The following GHRHR variants were observed in gnomAD, a reference collection of about 807,000 sequenced individuals.
GHRHR encodes the protein growth hormone releasing hormone receptor, also known as growth hormone-releasing hormone receptor.
Under a neutral mutation model 58.3 loss-of-function variants are expected in GHRHR, and 40 were observed. The observed-to-expected ratio is 0.69, with a 90% CI of 0.53 to 0.89. The LOEUF is 0.89. Among genes scored for constraint, GHRHR ranks in the 40% least tolerant of loss-of-function variants. The probability of loss-of-function intolerance (pLI) is 0.00; values close to 1 mark genes in which losing one functional copy is unlikely to be tolerated. For missense variants in GHRHR, 551 were observed against 541.3 expected (o/e 1.02, Z -0.18); for synonymous variants, 249 against 216.6 (o/e 1.15, Z -1.31).
Position 30,973,971 on chromosome 7 carries a change from G to A in GHRHR, c.598-14G>A. ...GGTGTCCCAGCTCTGAAGCACCCAG[G>A]TCCTGGCCCCCAGGTTCTATGCAAG... On this transcript the variant is annotated splice_polypyrimidine_tract_variant and intron_variant, in intron 6 of 12. Coordinates refer to ENST00000326139, the MANE Select transcript of GHRHR (RefSeq NM_000823.4). 3 of 1,612,852 alleles carry A rather than the reference G, an allele frequency of 1.9e-6. No homozygotes were observed. The highest frequency in any genetic ancestry group is 1.1e-5 in the South Asian group (1 of 91,058).
chr7:30,972,192 G>A, intron 6 of GHRHR, 97 bp downstream of exon 6: 2 of 1,390,598 alleles, frequency 1.4e-6, no homozygotes, highest in Non-Finnish European at 1.0e-6. Context: ...TGCCCTGTGG[G>A]CTGACCCTGG....
intron 6 of GHRHR, among the ~76,000 whole-genome samples, chr7:30,972,786 C>A (rs1792503988): frequency 6.6e-6 from 1 of 152,208 alleles, no homozygotes; most frequent in Admixed American, 6.5e-5. Context: ...AGATCCTCTG[C>A]AAGTGTGCTG....
chr7:30,976,005 C>A, intron 10 of GHRHR, 137 bp downstream of exon 10: 1 of 692,556 alleles, frequency 1.4e-6, no homozygotes, highest in Non-Finnish European at 2.7e-6. Flanking sequence ...CAGAATAGAC[C>A]TGGCCCCTTC....
intron 1 of GHRHR, among the ~76,000 whole-genome samples, chr7:30,966,681 C>T (rs1009429226): frequency 2.6e-5 from 4 of 151,140 alleles, no homozygotes; most frequent in Admixed American, 1.3e-4. Flanking sequence ...CTCACTTTAT[C>T]GCCCAGGCTG....
chr7:30,971,013 G>A, intron 4 of GHRHR, 106 bp from the exon 5 acceptor site: 1 of 709,280 alleles, frequency 1.4e-6, no homozygotes. Flanking sequence ...TCCAGATGGG[G>A]AGTGTTGGGG....
intron 12 of GHRHR, 76 bp downstream of exon 12, chr7:30,977,398 T>G: frequency 7.8e-7 from 1 of 1,273,988 alleles, no homozygotes; most frequent in Non-Finnish European, 1.1e-6. Flanking sequence ...TCTCTCCCAC[T>G]CAGGCCCTGT....
chr7:30,975,729 G>T (rs146731851), intron 9 of GHRHR, 48 bp from the exon 10 acceptor site: 5 of 1,125,032 alleles, frequency 4.4e-6, no homozygotes, highest in African/African-American at 3.1e-5. Context: ...GCCACCCAAG[G>T]CTACCCCCTG....
intron 9 of GHRHR, 49 bp downstream of exon 9, chr7:30,975,089 G>A (rs1217222353): frequency 8.0e-7 from 1 of 1,249,664 alleles, no homozygotes; most frequent in Admixed American, 1.7e-5. Flanking sequence ...AACTTCCCTG[G>A]AACTACTGAC....
rs1011324445 is a variant in GHRHR at position 30,969,889 on chromosome 7, T to G, written c.291T>G (p.Thr97=). ...CAGGGGCTGTGAAACGGGATTGTAC[T>G]ATCACTGGCTGGTCTGAGCCCTTTC... ...SESGAVKRDC[T]ITGWSEPFPP... is the part of the protein sequence containing the mutation. The change falls in exon 4 of 13, where the codon ACT becomes ACG. Residue 97 remains threonine (T), a synonymous_variant. Coordinates refer to ENST00000326139, the MANE Select transcript of GHRHR (RefSeq NM_000823.4). The G allele has an allele frequency of 1.2e-6, 2 of 1,611,482 alleles. No homozygotes were observed. Among genetic ancestry groups the G allele is most frequent in the East Asian group, 4.5e-5 (2 of 44,870 alleles).
chr7:30,969,552 G>T, intron 3 of GHRHR: 1 of 602,780 alleles, frequency 1.7e-6, no homozygotes, highest in East Asian at 2.7e-5. Flanking sequence ...TGGCCTAGGT[G>T]CTGGGACAGT....
chr7:30,967,656 T>C (rs898494930), intron 1 of GHRHR, among the ~76,000 whole-genome samples: 6 of 152,172 alleles, frequency 3.9e-5, no homozygotes, highest in Non-Finnish European at 8.8e-5. Flanking sequence ...TGTATACTCA[T>C]CCATTCCACT....
chr7:30,967,755 C>T (rs2128596881), intron 1 of GHRHR, among the ~76,000 whole-genome samples: 1 of 152,230 alleles, frequency 6.6e-6, no homozygotes, highest in South Asian at 2.1e-4. Flanking sequence ...CATTCATGTG[C>T]TCACTCATCC....
rs538311932 is a variant in GHRHR at position 30,964,545 on chromosome 7, G to A, written c.57+420G>A. On this transcript the variant is annotated intron_variant, in intron 1 of 12. Transcript: ENST00000326139. Reference sequence around the variant, plus strand: ...CTGTGCACCTGTGATGCTTCCACACGCTCCTGTGGTAAGCTTTCTGGACCC... The same window carrying A: ...CTGTGCACCTGTGATGCTTCCACACACTCCTGTGGTAAGCTTTCTGGACCC... Among the ~76,000 whole-genome samples, 3 of 152,270 alleles carry A rather than the reference G, an allele frequency of 2.0e-5. No homozygotes were observed. In the East Asian group the frequency reaches 5.8e-4, roughly 29 times the overall value.
chr7:30,976,342 G>A (rs1792583626), intron 10 of GHRHR, 87 bp from the exon 11 acceptor site: 2 of 1,207,416 alleles, frequency 1.7e-6, no homozygotes, highest in South Asian at 1.2e-5. Flanking sequence ...GTGGATATAG[G>A]GAGGTGGTAG....
At chr7:30,975,475 G>A (rs991494599) in intron 9 of GHRHR, among the ~76,000 whole-genome samples, 4 of 152,196 alleles carry the variant, frequency 2.6e-5, no homozygotes, top group Admixed American at 6.5e-5. Flanking sequence ...GCAAAGTGAG[G>A]GACATCTGCT....
At position 30,964,013 on chromosome 7, in the gene GHRHR, A is replaced by T; in HGVS notation, c.-56A>T. 1 of 1,468,908 alleles carries T rather than the reference A, an allele frequency of 6.8e-7. No homozygotes were observed. The highest frequency in any genetic ancestry group is 9.3e-7 in the Non-Finnish European group (1 of 1,072,940). 91.0% of individuals were successfully genotyped at this position (1,468,908 alleles called of 1,614,324 possible). A position where few individuals can be genotyped will look rare whatever the true frequency, so the allele number is the denominator to read the frequency against. On this transcript the variant is annotated 5_prime_UTR_variant, in exon 1 of 13. In the 5' UTR this introduces an upstream ATG that the reference lacks. Coordinates refer to ENST00000326139, the MANE Select transcript of GHRHR (RefSeq NM_000823.4). ...GGCTGTGTCAGGGGACAGCAGGGGA[A>T]GGAAGATAGCCAAGGCTTACTGAGG... is the stretch of plus-strand genomic sequence containing the variant.
At chr7:30,972,531 G>C (rs1792500443) in intron 6 of GHRHR, among the ~76,000 whole-genome samples, 1 of 152,164 alleles carries the variant, frequency 6.6e-6, no homozygotes, top group Non-Finnish European at 1.5e-5. Context: ...TGAGAGCTAG[G>C]AGAGAACGAG....
intron 10 of GHRHR, 141 bp downstream of exon 10, chr7:30,976,009 C>A (rs1379600372): frequency 2.9e-6 from 2 of 686,184 alleles, no homozygotes; most frequent in Admixed American, 2.1e-5. Flanking sequence ...ATAGACCTGG[C>A]CCCTTCCTTC....
intron 7 of GHRHR, 109 bp from the exon 8 acceptor site, chr7:30,974,320 C>T: frequency 8.9e-7 from 1 of 1,122,292 alleles, no homozygotes; most frequent in Non-Finnish European, 1.4e-6. Flanking sequence ...CTGCCTGGCC[C>T]TGCCTTTGCA....
Sources: gnomAD v4.1 joint callset for allele counts (sites outside exome capture counted in the v4.1 genomes callset) on GRCh38, gnomAD v4.1.1 for gene constraint, MANE v1.5 for transcripts, NCBI Gene and HGNC (gene_info 2026-07-23, HGNC 2026-07-21) for gene names.